Variants in PID1 observed in about 807,000 individuals in gnomAD.
PID1 encodes the protein phosphotyrosine interaction domain containing 1.
A neutral mutation model predicts 19.1 loss-of-function variants in PID1; 10 were observed. The ratio of observed to expected loss-of-function variants is 0.52; its 90% CI spans 0.32 to 0.89. The LOEUF is 0.89. PID1 is among the 40% of genes least tolerant of loss of function. The pLI, the probability that PID1 is intolerant of heterozygous loss-of-function variation, is 0.03. For synonymous variants in PID1, 130 were observed against 116.0 expected (o/e 1.12, Z -0.78); for missense variants, 248 against 285.3 (o/e 0.87, Z 0.94).
chr2:229,132,358 T>C (rs867554331), intron 2 of PID1, among the ~76,000 whole-genome samples: 2 of 152,156 alleles, frequency 1.3e-5, no homozygotes, highest in Non-Finnish European at 1.5e-5. Context: ...GAGAAAACAG[T>C]CGACATTATA....
intron 2 of PID1, among the ~76,000 whole-genome samples, chr2:229,086,725 C>T (rs1694774566): frequency 1.3e-5 from 2 of 152,046 alleles, no homozygotes; most frequent in African/African-American, 4.8e-5. Context: ...CTAAATATGT[C>T]AATTAAAGTC....
At chr2:229,074,132 C>A (rs1266322653) in intron 2 of PID1, among the ~76,000 whole-genome samples, 1 of 152,032 alleles carries the variant, frequency 6.6e-6, no homozygotes, top group Non-Finnish European at 1.5e-5. Flanking sequence ...TGTAAAATGG[C>A]AAGTCAGATG....
chr2:229,185,150 A>T (rs6746259), intron 1 of PID1, among the ~76,000 whole-genome samples: 133,034 of 149,352 alleles, frequency 0.89, 59,400 homozygotes, highest in African/African-American at 0.94. Flanking sequence ...GTTTTCCCAG[A>T]GAACCCTAAT....
At chr2:229,039,806 C>A (rs1392343295) in intron 2 of PID1, among the ~76,000 whole-genome samples, 4 of 152,126 alleles carry the variant, frequency 2.6e-5, no homozygotes, top group Admixed American at 2.6e-4. Flanking sequence ...GGTTGGAATG[C>A]AACTTAGTAC....
rs552734448 is a variant in PID1 at position 229,228,962 on chromosome 2, C to A, written c.30+42052G>T. Among the ~76,000 whole-genome samples the A allele has an allele frequency of 1.1e-4, 16 of 152,242 alleles. No homozygotes were observed. The South Asian group carries it at 3.3e-3, about 32-fold the overall frequency. On this transcript the variant is annotated intron_variant, in intron 1 of 2. Transcript: ENST00000392055. ...TACCTGACCTGGTGTGAGAAATATA[C>A]CTTATCTCAAAGAAATGCCTTTGAG...
chr2:229,261,847 C>CA (rs35144448), intron 1 of PID1, among the ~76,000 whole-genome samples: 1 of 150,232 alleles, frequency 6.7e-6, no homozygotes, highest in Admixed American at 6.6e-5. Context: ...CTGGCTGTAT[C>CA]AAAAAAAGAC....
intron 2 of PID1, among the ~76,000 whole-genome samples, chr2:229,065,123 A>T (rs573902326): frequency 6.6e-6 from 1 of 152,260 alleles, no homozygotes; most frequent in African/African-American, 2.4e-5. Context: ...GGCAAGAAAG[A>T]CCTTGGCTGA....
intron 2 of PID1, among the ~76,000 whole-genome samples, chr2:229,084,486 T>C (rs1694726871): frequency 6.6e-6 from 1 of 152,206 alleles, no homozygotes; most frequent in Non-Finnish European, 1.5e-5. Flanking sequence ...CTGGCAATAG[T>C]GATTTGACTT....
At chr2:229,097,346 AT>A (rs1322511899) in intron 2 of PID1, among the ~76,000 whole-genome samples, 1 of 152,218 alleles carries the variant, frequency 6.6e-6, no homozygotes, top group East Asian at 1.9e-4. Flanking sequence ...CTAGATATAA[AT>A]CAGGGTCCAG....
intron 2 of PID1, among the ~76,000 whole-genome samples, chr2:229,116,325 T>C (rs1339550997): frequency 6.6e-6 from 1 of 152,234 alleles, no homozygotes; most frequent in African/African-American, 2.4e-5. Context: ...TGAGTCTTTA[T>C]GCTTTAGTGT....
intron 2 of PID1, among the ~76,000 whole-genome samples, chr2:229,065,490 AT>A (rs1694305021): frequency 6.6e-6 from 1 of 152,080 alleles, no homozygotes; most frequent in South Asian, 2.1e-4. Context: ...TCTATTATAA[AT>A]TTTTAAATGC....
intron 2 of PID1, among the ~76,000 whole-genome samples, chr2:229,068,821 T>A (rs1388633465): frequency 6.6e-6 from 1 of 152,152 alleles, no homozygotes; most frequent in African/African-American, 2.4e-5. Flanking sequence ...CCACAGAGGT[T>A]AAGTCACTTG....
intron 1 of PID1, among the ~76,000 whole-genome samples, chr2:229,195,110 A>G (rs1691347522): frequency 6.6e-6 from 1 of 151,842 alleles, no homozygotes; most frequent in Admixed American, 6.6e-5. Flanking sequence ...CATCGTTTAA[A>G]TCTTGATTTC....
rs546370177 is a variant in PID1, at chr2:229,028,157, C to G, written c.178-2049G>C. On this transcript the variant is annotated intron_variant, in intron 2 of 2. Transcript: ENST00000392055. The stretch of plus-strand genomic sequence containing the variant: ...TATCCCTTAGATAAAATGCTTGGGA[C>G]CAGAAGTATTTCAAATGTCAGCTAT... Among the ~76,000 whole-genome samples, 8 of 152,216 alleles carry G rather than the reference C, an allele frequency of 5.3e-5. No homozygotes were observed. In the South Asian group the frequency reaches 1.7e-3, roughly 32 times the overall value.
intron 2 of PID1, among the ~76,000 whole-genome samples, chr2:229,083,955 G>A (rs897233524): frequency 2.6e-5 from 4 of 152,164 alleles, no homozygotes; most frequent in African/African-American, 4.8e-5. Context: ...CATTCTTTGC[G>A]TTACTTTAAC....
In PID1 at chr2:229,139,115, G is replaced by GAAAGAGAAAGAAAGAA. The variant is rs1210728895; in HGVS notation, c.177+16702_177+16703insTTCTTTCTTTCTCTTT. Among the ~76,000 whole-genome samples the GAAAGAGAAAGAAAGAA allele has an allele frequency of 1.6e-3, 78 of 48,000 alleles. 1 individual carries two copies. The highest frequency in any genetic ancestry group is 3.8e-3 in the East Asian group (5 of 1,314). The allele number at this position is 48,000 out of a possible 152,430, so 31.5% of individuals were successfully genotyped here. A position where few individuals can be genotyped will look rare whatever the true frequency, so the allele number is the denominator to read the frequency against. On this transcript the variant is annotated intron_variant, in intron 2 of 2. Transcript: ENST00000392055. ...AGAAAGAAAGAAAGAAAGAAAGAAA[G>GAAAGAGAAAGAAAGAA]AGAAAGAAAGAAAGAAAGAAAGAAA...
At chr2:229,038,055 T>C (rs1306118979) in intron 2 of PID1, among the ~76,000 whole-genome samples, 2 of 152,184 alleles carry the variant, frequency 1.3e-5, no homozygotes, top group Non-Finnish European at 2.9e-5. Context: ...AAGAATAATG[T>C]TGAGACAGCA....
intron 2 of PID1, among the ~76,000 whole-genome samples, chr2:229,140,728 T>C (rs953245893): frequency 6.6e-6 from 1 of 152,154 alleles, no homozygotes; most frequent in Non-Finnish European, 1.5e-5. Flanking sequence ...ACATACAATA[T>C]TGTTTATTCC....
In PID1 at chr2:229,132,359, C is replaced by A. The variant is rs6745202; in HGVS notation, c.177+23459G>T. 2.0e-5 allele frequency among the ~76,000 whole-genome samples: 3 copies of A among 151,858 alleles called. No homozygotes were observed. In the South Asian group the frequency reaches 6.2e-4, roughly 32 times the overall value. On this transcript the variant is annotated intron_variant, in intron 2 of 2. Transcript: ENST00000392055. ...CTATCACGATCCCAGAGAAAACAGT[C>A]GACATTATAAAACTGCCTTTCGAAC... is the stretch of plus-strand genomic sequence containing the variant.
Sources: allele counts gnomAD v4.1 joint callset (sites outside exome capture counted in the v4.1 genomes callset), GRCh38; gene constraint gnomAD v4.1.1; transcripts MANE v1.5; gene names NCBI Gene and HGNC (gene_info 2026-07-23, HGNC 2026-07-21).